The following WAC variants were observed in gnomAD, a reference collection of about 807,000 sequenced individuals.
WAC encodes WW domain containing adaptor with coiled-coil, also known as WW domain-containing adapter protein with coiled-coil.
In WAC, 11 loss-of-function variants were observed where a neutral mutation model predicts 79.6. The observed-to-expected ratio is 0.14, with a 90% confidence interval of 0.09 to 0.23. The LOEUF (loss-of-function observed/expected upper bound fraction) is 0.23. WAC is among the 10% of genes least tolerant of loss of function. The probability of loss-of-function intolerance (pLI) is 1.00; values close to 1 mark genes in which losing one functional copy is unlikely to be tolerated. For missense variants in WAC, 728 were observed against 773.5 expected (o/e 0.94, Z 0.70); for synonymous variants, 304 against 276.9 (o/e 1.10, Z -0.97).
chr10:28,589,918 G>C, intron 5 of WAC, 67 bp downstream of exon 5: 1 of 1,168,182 alleles, frequency 8.6e-7, no homozygotes, highest in Non-Finnish European at 1.3e-6. Flanking sequence ...ACATCTTACA[G>C]CATTAAACAT....
At chr10:28,603,955 ATGT>A (rs61172476) in intron 7 of WAC, among the ~76,000 whole-genome samples, 28 of 12,824 alleles carry the variant, frequency 2.2e-3, no homozygotes, top group East Asian at 5.2e-3. Flanking sequence ...ATATATATGT[ATGT>A]ATGTATATAT....
intron 4 of WAC, among the ~76,000 whole-genome samples, chr10:28,584,837 A>G (rs1192927261): frequency 1.3e-5 from 2 of 152,136 alleles, no homozygotes; most frequent in Non-Finnish European, 2.9e-5. Flanking sequence ...CGCTCCTGTA[A>G]TCCTAGCACT....
chr10:28,555,599 CAT>C (rs1837938247), intron 3 of WAC, among the ~76,000 whole-genome samples: 1 of 152,120 alleles, frequency 6.6e-6, no homozygotes, highest in African/African-American at 2.4e-5. Flanking sequence ...ACTAAGGAAA[CAT>C]ACAGTGGTGA....
chr10:28,616,735 T>C (rs1841484990), intron 12 of WAC, among the ~76,000 whole-genome samples: 1 of 152,226 alleles, frequency 6.6e-6, no homozygotes, highest in African/African-American at 2.4e-5. Context: ...TCAAAGCCAG[T>C]GTACTTTTTC....
chr10:28,620,053 C>CT lies in WAC; in HGVS notation c.*448dup, dbSNP rs1841635495. 1 of 153,014 alleles carries CT rather than the reference C, an allele frequency of 6.5e-6. No homozygotes were observed. Among genetic ancestry groups the CT allele is most frequent in the South Asian group, 2.1e-4 (1 of 4,846 alleles). 9.5% of individuals were successfully genotyped at this position (153,014 alleles called of 1,614,324 possible). On this transcript the variant is annotated 3_prime_UTR_variant, in exon 14 of 14. Transcript: ENST00000354911. ...AGTGCAAGCGCCAGGCGATTTGTGT[C>CT]TAAGGATACGATTTTGAACCATATG...
intron 6 of WAC, among the ~76,000 whole-genome samples, chr10:28,595,262 C>G (rs759294559): frequency 1.4e-4 from 21 of 152,146 alleles, no homozygotes; most frequent in Admixed American, 6.5e-5. Flanking sequence ...TCAGAAAGAC[C>G]AGGCTAATAA....
chr10:28,533,669 G>A (rs1042181242), intron 1 of WAC, 49 bp downstream of exon 1: 1 of 1,513,308 alleles, frequency 6.6e-7, no homozygotes, highest in East Asian at 2.5e-5. Context: ...GGGCGGCGGC[G>A]GGGGGGCTGT....
intron 11 of WAC, chr10:28,615,961 A>G (rs1589248640): frequency 4.6e-6 from 2 of 437,936 alleles, no homozygotes; most frequent in Non-Finnish European, 8.1e-6. Flanking sequence ...TGACTCTGAC[A>G]GTAGTGTTAA....
At position 28,620,935 on chromosome 10, in the gene WAC, G is replaced by A. The variant is rs770106147; in HGVS notation, c.*1329G>A. The A allele has an allele frequency of 6.6e-6, 1 of 152,120 alleles. No homozygotes were observed. Among genetic ancestry groups the A allele is most frequent in the Non-Finnish European group, 1.5e-5 (1 of 68,012 alleles). The allele number at this position is 152,120 out of a possible 1,614,324, so 9.4% of individuals were successfully genotyped here. ...TATCTGGAAATAGCAGGAAAGCGCA[G>A]CTTTGTATATTGTTTCCTAAAGTAT... On this transcript the variant is annotated 3_prime_UTR_variant, in exon 14 of 14. Transcript: ENST00000354911.
intron 6 of WAC, among the ~76,000 whole-genome samples, chr10:28,594,847 A>G (rs1392035450): frequency 6.6e-6 from 1 of 152,122 alleles, no homozygotes; most frequent in Admixed American, 6.5e-5. Flanking sequence ...TGTAATTTAG[A>G]TTGGACACTT....
In WAC at chr10:28,619,847, G is replaced by A. The variant is rs1012516501; in HGVS notation, c.*241G>A. 1.8e-5 allele frequency: 6 copies of A among 324,664 alleles called. No homozygotes were observed. The highest frequency in any genetic ancestry group is 8.7e-5 in the African/African-American group (4 of 46,056). 20.1% of individuals were successfully genotyped at this position (324,664 alleles called of 1,614,324 possible). On this transcript the variant is annotated 3_prime_UTR_variant, in exon 14 of 14. Transcript: ENST00000354911. ...ACGTTGTAAATATGTTTTGTAGAGT[G>A]AAGCCATGGGAAGCCATGTGTAACA...
At position 28,620,639 on chromosome 10, in the gene WAC, A is replaced by G. The variant is rs887225919; in HGVS notation, c.*1033A>G. 2 of 152,286 alleles carry G rather than the reference A, an allele frequency of 1.3e-5. No homozygotes were observed. Among genetic ancestry groups the G allele is most frequent in the Admixed American group, 6.5e-5 (1 of 15,284 alleles). The allele number at this position is 152,286 out of a possible 1,614,324, so 9.4% of individuals were successfully genotyped here. ...TGTTCTTGTTGAATATTTATACTTAATTGAAATAATTCCTTAAGGGAGGTT... is the reference window on the plus strand; with the variant it reads ...TGTTCTTGTTGAATATTTATACTTAGTTGAAATAATTCCTTAAGGGAGGTT... On this transcript the variant is annotated 3_prime_UTR_variant, in exon 14 of 14. Coordinates refer to ENST00000354911, the MANE Select transcript of WAC (RefSeq NM_016628.5).
chr10:28,546,807 A>C (rs930928594), intron 3 of WAC, among the ~76,000 whole-genome samples: 2 of 151,816 alleles, frequency 1.3e-5, no homozygotes, highest in African/African-American at 4.8e-5. Flanking sequence ...TTTTGATGGA[A>C]AGTTGAAGAG....
chr10:28,599,587 A>T (rs1840541665), intron 7 of WAC, among the ~76,000 whole-genome samples: 1 of 152,224 alleles, frequency 6.6e-6, no homozygotes, highest in South Asian at 2.1e-4. Context: ...TTTTTAAAAA[A>T]GTATTTGGAG....
chr10:28,573,332 C>G (rs537760815), intron 3 of WAC, among the ~76,000 whole-genome samples: 1 of 152,242 alleles, frequency 6.6e-6, no homozygotes, highest in African/African-American at 2.4e-5. Context: ...AATTACTGAT[C>G]TACTTTCTGT....
rs781664853 is a variant in WAC at position 28,616,284 on chromosome 10, G to A, written c.1668G>A (p.Thr556=). 7 of 1,613,824 alleles carry A rather than the reference G, an allele frequency of 4.3e-6. No individual in the cohort carries two copies. Among genetic ancestry groups the A allele is most frequent in the African/African-American group, 2.7e-5 (2 of 74,908 alleles). Reference sequence around the variant, plus strand: ...CTGCCCGATCCACGTGTTCATTAACGCCTGCACTAGCAGCACACTTCAGTG... The same window carrying A: ...CTGCCCGATCCACGTGTTCATTAACACCTGCACTAGCAGCACACTTCAGTG... ...NSSARSTCSL[T]PALAAHFSEN... The change falls in exon 12 of 14, where the codon ACG becomes ACA. Residue 556 remains threonine, a synonymous_variant. Transcript: ENST00000354911.
At chr10:28,609,212 G>A (rs1160296862) in intron 8 of WAC, among the ~76,000 whole-genome samples, 1 of 152,084 alleles carries the variant, frequency 6.6e-6, no homozygotes, top group East Asian at 1.9e-4. Flanking sequence ...AAATACAAAA[G>A]TTAACCAGGC....
chr10:28,596,768 A>G (rs1840392135), intron 7 of WAC, among the ~76,000 whole-genome samples: 4 of 152,202 alleles, frequency 2.6e-5, no homozygotes, highest in Admixed American at 2.6e-4. Context: ...TGTCACAGGT[A>G]GATCCATTAG....
intron 4 of WAC, among the ~76,000 whole-genome samples, chr10:28,585,880 A>C (rs1286640943): frequency 6.6e-6 from 1 of 152,220 alleles, no homozygotes; most frequent in African/African-American, 2.4e-5. Flanking sequence ...GGTTTAACCC[A>C]GTGAAGTCAG....
Sources: allele counts gnomAD v4.1 joint callset (sites outside exome capture counted in the v4.1 genomes callset), GRCh38; gene constraint gnomAD v4.1.1; transcripts MANE v1.5; gene names NCBI Gene and HGNC (gene_info 2026-07-23, HGNC 2026-07-21).